The following METTL15 variants were observed in gnomAD, a reference collection of about 807,000 sequenced individuals.
METTL15 encodes 12S rRNA N(4)-cytidine methyltransferase METTL15.
In METTL15, 34 loss-of-function variants were observed where a neutral mutation model predicts 38.3. The observed-to-expected ratio is 0.89, with a 90% CI of 0.68 to 1.18. The LOEUF is 1.18. METTL15 is among the 50% of genes most tolerant of loss of function. The probability of loss-of-function intolerance (pLI) is 0.00; values close to 1 mark genes in which losing one functional copy is unlikely to be tolerated. For synonymous variants in METTL15, 162 were observed against 170.9 expected (o/e 0.95, Z 0.41); for missense variants, 438 against 498.4 (o/e 0.88, Z 1.15).
At chr11:28,367,382 A>G (rs1850196823) in intron 5 of METTL15, among the ~76,000 whole-genome samples, 1 of 152,186 alleles carries the variant, frequency 6.6e-6, no homozygotes, top group African/African-American at 2.4e-5. Flanking sequence ...AATGTTTGAG[A>G]GGACCCTAGA....
intron 6 of METTL15, among the ~76,000 whole-genome samples, chr11:28,488,538 T>C (rs1022795373): frequency 3.9e-5 from 6 of 152,178 alleles, no homozygotes; most frequent in Non-Finnish European, 5.9e-5. Context: ...CTAATTTCAT[T>C]ATGTCATAGT....
chr11:28,224,135 G>C (rs1853371554), intron 4 of METTL15, among the ~76,000 whole-genome samples: 1 of 151,836 alleles, frequency 6.6e-6, no homozygotes, highest in Admixed American at 6.6e-5. Flanking sequence ...TACCACTTTA[G>C]GTAATCGGGG....
intron 5 of METTL15, among the ~76,000 whole-genome samples, chr11:28,418,342 C>T (rs1372981470): frequency 1.3e-5 from 2 of 152,086 alleles, no homozygotes; most frequent in Non-Finnish European, 2.9e-5. Flanking sequence ...GATCAGTGGC[C>T]CATTTTACTT....
At chr11:28,387,286 G>A (rs1850450442) in intron 5 of METTL15, among the ~76,000 whole-genome samples, 1 of 151,430 alleles carries the variant, frequency 6.6e-6, no homozygotes, top group South Asian at 2.1e-4. Flanking sequence ...GTTGAAAAGA[G>A]CAACAAAATT....
intron 6 of METTL15, among the ~76,000 whole-genome samples, chr11:28,501,865 C>G (rs886533745): frequency 3.3e-5 from 5 of 152,066 alleles, no homozygotes; most frequent in Non-Finnish European, 7.4e-5. Context: ...TTTGGGAGAC[C>G]GAGGCAGGCG....
intron 5 of METTL15, among the ~76,000 whole-genome samples, chr11:28,423,930 A>G (rs1850842811): frequency 6.6e-6 from 1 of 152,144 alleles, no homozygotes; most frequent in Admixed American, 6.6e-5. Context: ...TGATTATTAC[A>G]CATGCATGCT....
chr11:28,327,050 AGGATAGCCCT>A (rs1565257948), intron 6 of METTL15, among the ~76,000 whole-genome samples: 1 of 152,172 alleles, frequency 6.6e-6, no homozygotes, highest in Non-Finnish European at 1.5e-5. Context: ...GTATAAAGGA[AGGATAGCCCT>A]GGAAGTTTAA....
chr11:28,359,920 C>T (rs533370471), intron 4 of METTL15, among the ~76,000 whole-genome samples: 1 of 152,026 alleles, frequency 6.6e-6, no homozygotes, highest in African/African-American at 2.4e-5. Context: ...TTGAGAGGTT[C>T]GAAACTGTTG....
At chr11:28,372,706 T>A (rs1380691619) in intron 5 of METTL15, among the ~76,000 whole-genome samples, 1 of 151,232 alleles carries the variant, frequency 6.6e-6, no homozygotes, top group African/African-American at 2.4e-5. Flanking sequence ...GCCATGCTGG[T>A]GTGCTGCACC....
chr11:28,203,056 G>A (rs897850386), intron 3 of METTL15, among the ~76,000 whole-genome samples: 6 of 151,998 alleles, frequency 3.9e-5, no homozygotes, highest in African/African-American at 1.4e-4. Context: ...CTCCAGAGAG[G>A]AGTCTGAGAT....
intron 3 of METTL15, among the ~76,000 whole-genome samples, chr11:28,185,887 A>C (rs757070203): frequency 2.0e-5 from 3 of 149,290 alleles, no homozygotes; most frequent in Non-Finnish European, 4.5e-5. Context: ...ATTAATATAT[A>C]AATAAATATA....
chr11:28,142,200 T>C (rs953293769), intron 3 of METTL15, among the ~76,000 whole-genome samples: 2 of 152,160 alleles, frequency 1.3e-5, no homozygotes, highest in African/African-American at 4.8e-5. Flanking sequence ...TTCCATAAAA[T>C]AGAATGAGTG....
intron 3 of METTL15, among the ~76,000 whole-genome samples, chr11:28,349,948 A>G (rs908555638): frequency 6.6e-6 from 1 of 152,216 alleles, no homozygotes; most frequent in African/African-American, 2.4e-5. Context: ...AGTTGGGCAC[A>G]ATGACTTGTT....
chr11:28,386,331 A>C (rs1019081436), intron 5 of METTL15, among the ~76,000 whole-genome samples: 1 of 152,030 alleles, frequency 6.6e-6, no homozygotes, highest in African/African-American at 2.4e-5. Context: ...AAATCCGACT[A>C]TAAGCTGTCT....
At chr11:28,392,266 A>T (rs4545540) in intron 5 of METTL15, among the ~76,000 whole-genome samples, 86,021 of 151,914 alleles carry the variant, frequency 0.57, 25,458 homozygotes, top group East Asian at 0.74. Context: ...GGAATCAGAA[A>T]TACCCTGAAA....
intron 4 of METTL15, among the ~76,000 whole-genome samples, chr11:28,243,015 A>G (rs1187924397): frequency 6.6e-6 from 1 of 152,022 alleles, no homozygotes; most frequent in Non-Finnish European, 1.5e-5. Context: ...ATGTATTTTT[A>G]TAATCTCCTT....
At chr11:28,152,724 G>A (rs142905180) in intron 3 of METTL15, among the ~76,000 whole-genome samples, 104 of 152,052 alleles carry the variant, frequency 6.8e-4, no homozygotes, top group African/African-American at 2.3e-3. Flanking sequence ...AAAGGGGTCC[G>A]TATCCAGAAC....
At chr11:28,427,901 C>G (rs959424707) in intron 6 of METTL15, among the ~76,000 whole-genome samples, 1 of 152,108 alleles carries the variant, frequency 6.6e-6, no homozygotes, top group East Asian at 1.9e-4. Context: ...TATTAGAATA[C>G]CTTTATTTCT....
intron 5 of METTL15, among the ~76,000 whole-genome samples, chr11:28,394,172 G>A (rs1850544315): frequency 6.6e-6 from 1 of 152,006 alleles, no homozygotes; most frequent in South Asian, 2.1e-4. Context: ...GAGAAGAGAA[G>A]GCAGTAAGGG....
Sources: gnomAD v4.1 joint callset for allele counts (sites outside exome capture counted in the v4.1 genomes callset) on GRCh38, gnomAD v4.1.1 for gene constraint, MANE v1.5 for transcripts, NCBI Gene and HGNC (gene_info 2026-07-23, HGNC 2026-07-21) for gene names.